Variants in NOXRED1 observed in about 807,000 individuals in gnomAD.
NOXRED1 encodes NADP dependent oxidoreductase domain containing 1, also known as NADP-dependent oxidoreductase domain-containing protein 1.
Under a neutral mutation model 30.4 loss-of-function variants are expected in NOXRED1, and 20 were observed. The ratio of observed to expected loss-of-function variants is 0.66; its 90% confidence interval spans 0.46 to 0.96. The LOEUF is 0.96. NOXRED1 is among the 40% of genes least tolerant of loss of function. The pLI is 0.00. For missense variants in NOXRED1, 374 were observed against 428.0 expected (o/e 0.87, Z 1.11); for synonymous variants, 155 against 168.0 (o/e 0.92, Z 0.60).
chr14:77,406,852 G>A lies in NOXRED1; in HGVS notation c.554C>T (p.Thr185Ile). ...LPRLKLLLNHTNILRPQYQYD... is the reference protein window; with the variant it reads ...LPRLKLLLNHINILRPQYQYD... ...CTGATACTGAGGCCGCAAGATATTG[G>A]TGTGGTTCAACAGTAGTTTCAGCCT... Residue 185 changes from threonine (T) to isoleucine (I), a missense_variant, in exon 4 of 6, where the codon ACC becomes ATC. Transcript: ENST00000380835. The A allele has an allele frequency of 6.2e-7, 1 of 1,614,028 alleles. No homozygotes were observed. Among genetic ancestry groups the A allele is most frequent in the Admixed American group, 1.7e-5 (1 of 59,992 alleles).
At chr14:77,420,493 C>CTGTAATT (rs930807754) in intron 1 of NOXRED1, among the ~76,000 whole-genome samples, 7 of 151,358 alleles carry the variant, frequency 4.6e-5, no homozygotes, top group African/African-American at 9.7e-5. Context: ...GATTACAGGC[C>CTGTAATT]TGTAATTTGT....
intron 4 of NOXRED1, 88 bp from the exon 5 acceptor site, chr14:77,406,223 C>T: frequency 1.2e-6 from 1 of 857,836 alleles, no homozygotes; most frequent in East Asian, 2.6e-5. Context: ...CAGTGAATAG[C>T]CGCCTTTTTT....
intron 5 of NOXRED1, among the ~76,000 whole-genome samples, chr14:77,402,745 C>G (rs985893525): frequency 6.0e-5 from 9 of 151,122 alleles, no homozygotes; most frequent in Non-Finnish European, 1.3e-4. Flanking sequence ...TGAAAAGATG[C>G]TACACATCAG....
intron 5 of NOXRED1, among the ~76,000 whole-genome samples, chr14:77,402,363 C>T (rs141979478): frequency 2.6e-3 from 395 of 152,336 alleles, no homozygotes; most frequent in Non-Finnish European, 4.5e-3. Flanking sequence ...CCATGGCTCA[C>T]GCCTGTAATC....
Position 77,422,994 on chromosome 14 carries a change from C to T in NOXRED1, c.-105G>A, listed in dbSNP as rs534484402. 1.6e-5 allele frequency: 15 copies of T among 915,060 alleles called. No homozygotes were observed. In the East Asian group the frequency reaches 3.4e-4, roughly 21 times the overall value. The allele number at this position is 915,060 out of a possible 1,614,324, so 56.7% of individuals were successfully genotyped here. A position where few individuals can be genotyped will look rare whatever the true frequency, so the allele number is the denominator to read the frequency against. The stretch of plus-strand genomic sequence containing the variant: ...AGGTGTGTGTATGATGGTGTGTGTG[C>T]CCAGGTCACAAGCACTCATGATGAT... On this transcript the variant is annotated 5_prime_UTR_variant, in exon 1 of 6. Transcript: ENST00000380835.
chr14:77,422,378 T>A (rs1463525505), intron 1 of NOXRED1, among the ~76,000 whole-genome samples: 3 of 152,184 alleles, frequency 2.0e-5, no homozygotes, highest in African/African-American at 7.2e-5. Flanking sequence ...AAGAAAGAAC[T>A]GATTCCATTT....
intron 5 of NOXRED1, among the ~76,000 whole-genome samples, chr14:77,395,689 G>C (rs1341734579): frequency 1.3e-5 from 2 of 152,010 alleles, no homozygotes; most frequent in South Asian, 4.2e-4. Flanking sequence ...TGTAGTCCCA[G>C]CTACTCAGGA....
chr14:77,416,777 G>A (rs1238355869), intron 1 of NOXRED1, among the ~76,000 whole-genome samples: 1 of 152,158 alleles, frequency 6.6e-6, no homozygotes, highest in African/African-American at 2.4e-5. Flanking sequence ...CAGTAGGGGC[G>A]GCCGGGCAGA....
At chr14:77,404,220 A>G (rs1390393804) in intron 5 of NOXRED1, among the ~76,000 whole-genome samples, 1 of 152,210 alleles carries the variant, frequency 6.6e-6, no homozygotes, top group African/African-American at 2.4e-5. Context: ...GAAACAAGAG[A>G]TCCAATACAA....
intron 5 of NOXRED1, among the ~76,000 whole-genome samples, chr14:77,395,166 C>T (rs972986111): frequency 2.1e-5 from 3 of 144,142 alleles, no homozygotes; most frequent in South Asian, 2.2e-4. Flanking sequence ...AGTGCAGTGG[C>T]GCGATCTCGG....
intron 2 of NOXRED1, among the ~76,000 whole-genome samples, chr14:77,412,312 C>T (rs1894681633): frequency 6.6e-6 from 1 of 151,680 alleles, no homozygotes; most frequent in Admixed American, 6.6e-5. Context: ...ATTTTAAATC[C>T]TGAGATGAAA....
chr14:77,412,336 G>A (rs1210384972), intron 2 of NOXRED1, among the ~76,000 whole-genome samples: 1 of 152,012 alleles, frequency 6.6e-6, no homozygotes, highest in African/African-American at 2.4e-5. Flanking sequence ...GAGAAAGGAA[G>A]AATAGTGTAG....
chr14:77,410,891 G>C (rs997858394), intron 2 of NOXRED1, among the ~76,000 whole-genome samples: 6 of 152,126 alleles, frequency 3.9e-5, no homozygotes, highest in Admixed American at 3.3e-4. Context: ...AAGTATACCT[G>C]AAAACCTTTT....
At chr14:77,406,612 C>T (rs756622828) in intron 4 of NOXRED1, 112 bp downstream of exon 4, 18 of 928,256 alleles carry the variant, frequency 1.9e-5, no homozygotes, top group Middle Eastern at 5.1e-4. Flanking sequence ...CACACACACA[C>T]ACACACACAC....
rs1368376503 is a variant in NOXRED1 at position 77,394,033 on chromosome 14, A to G, written c.*598T>C. On this transcript the variant is annotated 3_prime_UTR_variant, in exon 6 of 6. Transcript: ENST00000380835. ...GGAAATCAACAAATTTGCAGTATAG[A>G]TCTATATTTTGCAAAATTAGTTTTA... The G allele has an allele frequency of 1.3e-5, 2 of 152,228 alleles. No individual in the cohort carries two copies. The highest frequency in any genetic ancestry group is 2.9e-5 in the Non-Finnish European group (2 of 68,034). The allele number at this position is 152,228 out of a possible 1,614,324, so 9.4% of individuals were successfully genotyped here. A position where few individuals can be genotyped will look rare whatever the true frequency, so the allele number is the denominator to read the frequency against.
At chr14:77,406,940 T>C in intron 3 of NOXRED1, 65 bp from the exon 4 acceptor site, 1 of 1,443,316 alleles carries the variant, frequency 6.9e-7, no homozygotes, top group Admixed American at 1.9e-5. Flanking sequence ...CATAACCCAC[T>C]GTGTTTACAT....
At chr14:77,414,181 CTTTTTT>C (rs10592368) in intron 1 of NOXRED1, 54 bp from the exon 2 acceptor site, 678 of 715,230 alleles carry the variant, frequency 9.5e-4, no homozygotes, top group South Asian at 1.7e-3. Context: ...ACTAGTTTTT[CTTTTTT>C]TTTTTTTTTT....
At position 77,414,105 on chromosome 14, in the gene NOXRED1, TTTGA is replaced by T; in HGVS notation, c.174_177del (p.Asn58LysfsTer76). 1 of 1,596,700 alleles carries T rather than the reference TTTGA, an allele frequency of 6.3e-7. No individual in the cohort carries two copies. The highest frequency in any genetic ancestry group is 8.6e-7 in the Non-Finnish European group (1 of 1,166,678). On this transcript the variant is annotated frameshift_variant, in exon 2 of 6. Coordinates refer to ENST00000380835, the MANE Select transcript of NOXRED1 (RefSeq NM_001113475.3). LOFTEE classifies it high-confidence loss of function. ...GAGCCAATTGAGAGATGTCTGGAACTTTGATTCTTATTTAATGATGCTCTGGAGA... is the reference window on the plus strand; with the variant it reads ...GAGCCAATTGAGAGATGTCTGGAACTTTCTTATTTAATGATGCTCTGGAGA...
chr14:77,422,843 A>G lies in NOXRED1; in HGVS notation c.47T>C (p.Val16Ala). The G allele has an allele frequency of 6.2e-7, 1 of 1,613,622 alleles. No individual in the cohort carries two copies. Among genetic ancestry groups the G allele is most frequent in the Non-Finnish European group, 8.5e-7 (1 of 1,179,818 alleles). ...CAGCCAGATACGATCTTCCTCTGGA[A>G]CCCCATACTCAAACTGCAGGGACTC... ...DLESLQFEYG[V>A]PEEDRIWLYL... The change falls in exon 1 of 6, where the codon GTT becomes GCT. Residue 16 changes from valine to alanine, a missense_variant. By Grantham distance (64) the Val-to-Ala change is moderately conservative (BLOSUM62 0). Transcript: ENST00000380835.
Sources: gnomAD v4.1 joint callset for allele counts (sites outside exome capture counted in the v4.1 genomes callset) on GRCh38, gnomAD v4.1.1 for gene constraint, MANE v1.5 for transcripts, NCBI Gene and HGNC (gene_info 2026-07-23, HGNC 2026-07-21) for gene names.